DAB2IP: variants seen among roughly 807,000 people sequenced by gnomAD.
DAB2IP encodes the protein disabled homolog 2-interacting protein.
A neutral mutation model predicts 107.2 loss-of-function variants in DAB2IP; 28 were observed. That is an observed-to-expected ratio of 0.26 (90% CI 0.19 to 0.36). DAB2IP has a LOEUF of 0.36. DAB2IP is among the 10% of genes least tolerant of loss of function. DAB2IP has a pLI of 1.00. For missense variants in DAB2IP, 1,400 were observed against 1,644.7 expected, an observed-to-expected ratio of 0.85 and a Z score of 2.57; for synonymous variants, 755 against 706.4, an observed-to-expected ratio of 1.07 and a Z score of -1.09.
chr9:121,592,326 A>C (rs1323861367), intron 1 of DAB2IP, among the ~76,000 whole-genome samples: 1 of 152,030 alleles, frequency 6.6e-6, no homozygotes, highest in Non-Finnish European at 1.5e-5. Flanking sequence ...AGATAGTGCC[A>C]CTGCACTCCA....
intron 3 of DAB2IP, among the ~76,000 whole-genome samples, chr9:121,744,267 G>A (rs559005671): frequency 6.6e-6 from 1 of 152,316 alleles, no homozygotes; most frequent in East Asian, 1.9e-4. Context: ...CCACTGGGTG[G>A]GGTGGAGGCG....
At chr9:121,717,676 A>G (rs1052142074) in intron 3 of DAB2IP, among the ~76,000 whole-genome samples, 4 of 152,206 alleles carry the variant, frequency 2.6e-5, no homozygotes, top group Non-Finnish European at 1.5e-5. Flanking sequence ...TGGCAACCAC[A>G]TGCCGGGCAC....
intron 3 of DAB2IP, among the ~76,000 whole-genome samples, chr9:121,735,235 G>A (rs2118869689): frequency 6.6e-6 from 1 of 152,268 alleles, no homozygotes; most frequent in South Asian, 2.1e-4. Context: ...TGCAAATGTG[G>A]GCAGACGGGG....
chr9:121,771,744 A>C (rs1456986991), intron 11 of DAB2IP, among the ~76,000 whole-genome samples: 2 of 151,870 alleles, frequency 1.3e-5, no homozygotes, highest in Admixed American at 6.5e-5. Flanking sequence ...TGCTCTAGCC[A>C]GTTCTCCCAG....
chr9:121,646,448 C>T (rs1012421020), intron 1 of DAB2IP, among the ~76,000 whole-genome samples: 5 of 152,054 alleles, frequency 3.3e-5, no homozygotes, highest in African/African-American at 1.2e-4. Context: ...CAGGCCACCT[C>T]CTGGGGCAGA....
rs1832068577 is a variant in DAB2IP at position 121,635,874 on chromosome 9, C to T, written c.41-42804C>T. ...GGGACCCTGCTGCAGAGGACCTTCC[C>T]AAGGGACAGTCCCCTGTTTAGATGT... On this transcript the variant is annotated intron_variant, in intron 1 of 16. Coordinates refer to the DAB2IP transcript ENST00000259371. The surrounding 1 kb of genome is among the most constrained non-coding windows in gnomAD (Gnocchi z 4.3). Among the ~76,000 whole-genome samples the T allele has an allele frequency of 1.3e-5, 2 of 150,658 alleles. No homozygotes were observed. The highest frequency in any genetic ancestry group is 4.9e-5 in the African/African-American group (2 of 40,662).
At chr9:121,775,394 G>A (rs1291320708) in intron 13 of DAB2IP, among the ~76,000 whole-genome samples, 1 of 152,206 alleles carries the variant, frequency 6.6e-6, no homozygotes, top group African/African-American at 2.4e-5. Context: ...TTACATGAAG[G>A]GGACCGGGGG....
rs569975095 is a variant in DAB2IP, at chr9:121,733,530, T to G, written c.363-23483T>G. On this transcript the variant is annotated intron_variant, in intron 3 of 15. Coordinates refer to ENST00000408936, the Ensembl canonical transcript of DAB2IP. Reference sequence around the variant, plus strand: ...CCTGAGCTCTGGGGAGAAGACGGCCTGCAGTGTGTGTTTCTCCATCACTCA... The same window carrying G: ...CCTGAGCTCTGGGGAGAAGACGGCCGGCAGTGTGTGTTTCTCCATCACTCA... Among the ~76,000 whole-genome samples the G allele has an allele frequency of 3.3e-5, 5 of 152,290 alleles. No individual in the cohort carries two copies. In the South Asian group the frequency reaches 1.0e-3, roughly 32 times the overall value.
rs536549725 is a variant in DAB2IP at position 121,781,563 on chromosome 9, G to A, written c.3402+12G>A. 2.7e-5 allele frequency: 44 copies of A among 1,612,206 alleles called. No homozygotes were observed. Among genetic ancestry groups the A allele is most frequent in the South Asian group, 4.4e-5 (4 of 91,072 alleles). On this transcript the variant is annotated intron_variant, in intron 15 of 15. Transcript: ENST00000408936. The stretch of plus-strand genomic sequence containing the variant: ...TCATTGATGCCCAGGTGGGGGCTCC[G>A]GCCCTTTGGTCAGCCACAAGAGTTA...
At position 121,702,093 on chromosome 9, in the gene DAB2IP, C is replaced by T. The variant is rs944354109; in HGVS notation, c.362+2635C>T. Among the ~76,000 whole-genome samples the T allele has an allele frequency of 2.0e-5, 3 of 151,654 alleles. No individual in the cohort carries two copies. Among genetic ancestry groups the T allele is most frequent in the Admixed American group, 6.6e-5 (1 of 15,240 alleles). On this transcript the variant is annotated intron_variant, in intron 3 of 15. Coordinates refer to ENST00000408936, the Ensembl canonical transcript of DAB2IP. This position sits in a 1 kb window ranked among gnomAD's most constrained non-coding sequence, Gnocchi z 4.5. ...ATGAGCGGCACAGGGCACTCTGGGG[C>T]GGCCACTTGAGTTCTGACTTTGGAT...
At position 121,646,526 on chromosome 9, in the gene DAB2IP, A is replaced by G. The variant is rs1416383167; in HGVS notation, c.41-32152A>G. The stretch of plus-strand genomic sequence containing the variant: ...CCGACCCTCTGTCCCCCCCACCCCC[A>G]CCCCTGCCCAGAGCTCCAGAGACTG... On this transcript the variant is annotated intron_variant, in intron 1 of 16. Transcript: ENST00000259371. 6.4e-4 allele frequency among the ~76,000 whole-genome samples: 4 copies of G among 6,248 alleles called. No homozygotes were observed. The East Asian group carries it at 0.026, about 41-fold the overall frequency. 4.1% of individuals were successfully genotyped at this position (6,248 alleles called of 152,430 possible). A position where few individuals can be genotyped will look rare whatever the true frequency, so the allele number is the denominator to read the frequency against.
In DAB2IP at chr9:121,782,313, CA is replaced by C; in HGVS notation, c.3403-17del. 1 of 1,611,000 alleles carries C rather than the reference CA, an allele frequency of 6.2e-7. No individual in the cohort carries two copies. The highest frequency in any genetic ancestry group is 8.5e-7 in the Non-Finnish European group (1 of 1,177,586). On this transcript the variant is annotated splice_polypyrimidine_tract_variant and intron_variant, in intron 15 of 15. Coordinates refer to ENST00000408936, the Ensembl canonical transcript of DAB2IP. The surrounding 1 kb of genome is among the most constrained non-coding windows in gnomAD (Gnocchi z 6.1). ...GAGCCTGTCCCATGACCCCCGCTCA[CA>C]TCCCCATTGTCCACAGGAGAAGCGC...
At chr9:121,781,180 G>T (rs1409194166) in intron 14 of DAB2IP, among the ~76,000 whole-genome samples, 1 of 152,170 alleles carries the variant, frequency 6.6e-6, no homozygotes, top group Non-Finnish European at 1.5e-5. Context: ...ACCCATCTTG[G>T]CTCCTGGAAG....
intron 6 of DAB2IP, among the ~76,000 whole-genome samples, chr9:121,761,166 G>T (rs1015625313): frequency 6.6e-6 from 1 of 152,228 alleles, no homozygotes; most frequent in Admixed American, 6.5e-5. Flanking sequence ...GGACAAATGG[G>T]CTCCTGGACC....
chr9:121,717,368 C>G (rs1830663608), intron 3 of DAB2IP, among the ~76,000 whole-genome samples: 1 of 152,216 alleles, frequency 6.6e-6, no homozygotes, highest in Admixed American at 6.5e-5. Flanking sequence ...ATTGTACTAG[C>G]AGAAGCACGT....
intron 13 of DAB2IP, among the ~76,000 whole-genome samples, chr9:121,775,199 A>G (rs1835112727): frequency 1.3e-5 from 2 of 151,828 alleles, no homozygotes; most frequent in African/African-American, 4.8e-5. Flanking sequence ...GCGCTTCTCC[A>G]CTCCCCTCTG....
intron 1 of DAB2IP, among the ~76,000 whole-genome samples, chr9:121,620,393 A>T (rs1444100600): frequency 6.6e-6 from 1 of 152,184 alleles, no homozygotes; most frequent in African/African-American, 2.4e-5. Flanking sequence ...TGCAGTGGTT[A>T]AAGGTGTGTG....
intron 1 of DAB2IP, among the ~76,000 whole-genome samples, chr9:121,615,588 C>G (rs1831242418): frequency 1.3e-5 from 2 of 151,616 alleles, no homozygotes; most frequent in Non-Finnish European, 2.9e-5. Flanking sequence ...CAAGGAAGGG[C>G]TGGACATGGT....
At chr9:121,666,230 A>G (rs1833415742) in intron 1 of DAB2IP, among the ~76,000 whole-genome samples, 1 of 152,136 alleles carries the variant, frequency 6.6e-6, no homozygotes, top group Non-Finnish European at 1.5e-5. Context: ...CCTTCTTGTA[A>G]AGACCCTTGT....
Sources: gnomAD v4.1 joint callset for allele counts (sites outside exome capture counted in the v4.1 genomes callset) on GRCh38, gnomAD v4.1.1 for gene constraint, Gnocchi (gnomAD v3.1) non-coding constraint, MANE v1.5 for transcripts, NCBI Gene and HGNC (gene_info 2026-07-23, HGNC 2026-07-21) for gene names.